The following AMER3 variants were observed in gnomAD, a reference collection of about 807,000 sequenced individuals.
AMER3 encodes APC membrane recruitment protein 3.
For synonymous variants in AMER3, 541 were observed against 485.5 expected (o/e 1.11, Z -1.50); for missense variants, 1,201 against 1,139.4 (o/e 1.05, Z -0.78).
In AMER3 at chr2:130,764,102, T is replaced by A. The variant is rs781509469; in HGVS notation, c.2030T>A (p.Val677Glu). ...GCAGAGCCCATGCTGGCAGGCTGTG[T>A]GGCCCGTGTGGCAGCCCTGAAGATC... ...LDAEPMLAGC[V>E]ARVAALKISS... Residue 677 changes from valine to glutamate, a missense_variant, in exon 2 of 2, where the codon GTG (valine) becomes GAG (glutamate). Transcript: ENST00000321420. 3.1e-6 allele frequency: 5 copies of A among 1,611,704 alleles called. No individual in the cohort carries two copies. Among genetic ancestry groups the A allele is most frequent in the Non-Finnish European group, 4.2e-6 (5 of 1,179,274 alleles).
In AMER3 at chr2:130,762,570, T is replaced by G; in HGVS notation, c.498T>G (p.Ile166Met). 1.2e-6 allele frequency: 2 copies of G among 1,613,346 alleles called. No homozygotes were observed. Among genetic ancestry groups the G allele is most frequent in the Non-Finnish European group, 1.7e-6 (2 of 1,179,982 alleles). ...AGTGCTTTCGGAACCTATTCCACAT[T>G]CGGAGAAACAAGACTGAGGACTTGG... ...PKKCFRNLFH[I>M]RRNKTEDLAS... Residue 166 changes from isoleucine (I) to methionine (M), a missense_variant, in exon 2 of 2, where the codon ATT becomes ATG. Coordinates refer to ENST00000321420, the MANE Select transcript of AMER3 (RefSeq NM_152698.3).
In AMER3 at chr2:130,764,358, A is replaced by G. The variant is rs749568100; in HGVS notation, c.2286A>G (p.Leu762=). ...GGCTCAGGGTGGAGCCCACCGGGCT[A>G]GGTGTCCAGGCCTGGGCCTCTGTGG... is the stretch of plus-strand genomic sequence containing the variant. ...LSWLRVEPTG[L]GVQAWASVED... The change falls in exon 2 of 2, where the codon CTA becomes CTG. Residue 762 remains leucine (L), a synonymous_variant. Transcript: ENST00000321420. 59 of 1,611,432 alleles carry G rather than the reference A, an allele frequency of 3.7e-5. No individual in the cohort carries two copies. The highest frequency in any genetic ancestry group is 4.9e-5 in the Non-Finnish European group (58 of 1,178,574).
In AMER3 at chr2:130,763,106, C is replaced by G; in HGVS notation, c.1034C>G (p.Ala345Gly). Residue 345 changes from alanine (A) to glycine (G), a missense_variant, in exon 2 of 2, where the codon GCT (alanine) becomes GGT (glycine). Ala to Gly is a moderately conservative substitution (Grantham distance 60). Transcript: ENST00000321420. ...AGGGACCAATCCCGGCTGGACACAG[C>G]TGGGCTCGCTGAGCTGCCCCTCTGC... ...TDRDQSRLDTAGLAELPLCPC... is the reference protein window; with the variant it reads ...TDRDQSRLDTGGLAELPLCPC... 1 of 1,613,170 alleles carries G rather than the reference C, an allele frequency of 6.2e-7. No homozygotes were observed. The highest frequency in any genetic ancestry group is 8.5e-7 in the Non-Finnish European group (1 of 1,179,912).
At chr2:130,761,931 G>A in intron 1 of AMER3, 123 bp from the exon 2 acceptor site, 1 of 965,104 alleles carries the variant, frequency 1.0e-6, no homozygotes, top group Non-Finnish European at 1.5e-6. Flanking sequence ...CCACCTGCAA[G>A]GAGGATCTCC....
rs1252818311 is a variant in AMER3 at position 130,758,047 on chromosome 2, T to C, written c.-20+2373T>C. ...TACTCAGGAGGCTGAGGCAGGAGAA[T>C]GGTGTGAACCCGCGAGGTGGAGCTT... On this transcript the variant is annotated intron_variant, in intron 1 of 1. Coordinates refer to ENST00000321420, the MANE Select transcript of AMER3 (RefSeq NM_152698.3). Among the ~76,000 whole-genome samples the C allele has an allele frequency of 2.0e-5, 3 of 152,090 alleles. No individual in the cohort carries two copies. In the East Asian group the frequency reaches 5.8e-4, roughly 29 times the overall value.
At position 130,762,992 on chromosome 2, in the gene AMER3, C is replaced by T. The variant is rs1678844720; in HGVS notation, c.920C>T (p.Thr307Ile). 1.2e-6 allele frequency: 2 copies of T among 1,613,314 alleles called. No individual in the cohort carries two copies. Among genetic ancestry groups the T allele is most frequent in the African/African-American group, 1.3e-5 (1 of 75,022 alleles). Residue 307 changes from threonine to isoleucine, a missense_variant, in exon 2 of 2, where the codon ACC (threonine) becomes ATC (isoleucine). By Grantham distance (89) the Thr-to-Ile change is moderately conservative. Coordinates refer to ENST00000321420, the MANE Select transcript of AMER3 (RefSeq NM_152698.3). Reference sequence around the variant, plus strand: ...GCCCAGAATGAAGCCTCTGACTTCACCAGGTTCTGGGACAGTGTGAATCGC... The same window carrying T: ...GCCCAGAATGAAGCCTCTGACTTCATCAGGTTCTGGGACAGTGTGAATCGC... ...SPAQNEASDF[T>I]RFWDSVNRSV...
Position 130,761,930 on chromosome 2 carries a change from A to G in AMER3, c.-19-124A>G, listed in dbSNP as rs528279042. The G allele has an allele frequency of 5.2e-6, 5 of 953,128 alleles. No homozygotes were observed. The East Asian group carries it at 1.1e-4, about 20-fold the overall frequency. The allele number at this position is 953,128 out of a possible 1,614,324, so 59.0% of individuals were successfully genotyped here. A position where few individuals can be genotyped will look rare whatever the true frequency, so the allele number is the denominator to read the frequency against. On this transcript the variant is annotated intron_variant, in intron 1 of 1. Transcript: ENST00000321420. Reference sequence around the variant, plus strand: ...CTCCCATCTTTCTCCCCCACCTGCAAGGAGGATCTCCTGGGACAGAGGCCC... The same window carrying G: ...CTCCCATCTTTCTCCCCCACCTGCAGGGAGGATCTCCTGGGACAGAGGCCC...
In AMER3 at chr2:130,763,351, C is replaced by G. The variant is rs1362364513; in HGVS notation, c.1279C>G (p.His427Asp). ...YSGDALYELF[H>D]DPSEGPLGPS... is the part of the protein sequence containing the mutation. Reference sequence around the variant, plus strand: ...TGGGGACGCCCTCTACGAGCTCTTCCACGACCCCAGCGAGGGTCCTCTTGG... The same window carrying G: ...TGGGGACGCCCTCTACGAGCTCTTCGACGACCCCAGCGAGGGTCCTCTTGG... Residue 427 changes from histidine (H) to aspartate (D), a missense_variant, in exon 2 of 2, where the codon CAC (histidine) becomes GAC (aspartate). His to Asp is a moderately conservative substitution (Grantham distance 81). Transcript: ENST00000321420. 1 of 1,613,260 alleles carries G rather than the reference C, an allele frequency of 6.2e-7. No homozygotes were observed. Among genetic ancestry groups the G allele is most frequent in the Admixed American group, 1.7e-5 (1 of 60,012 alleles).
rs1444202073 is a variant in AMER3, at chr2:130,762,149, C to A, written c.77C>A (p.Ala26Asp). Residue 26 changes from alanine to aspartate, a missense_variant, in exon 2 of 2, where the codon GCC becomes GAC. Coordinates refer to ENST00000321420, the MANE Select transcript of AMER3 (RefSeq NM_152698.3). Reference sequence around the variant, plus strand: ...CACGAGAAACCCCCAGACCCAGCAGCCGTGGCTGCAGCCAGGGAGGGGACA... The same window carrying A: ...CACGAGAAACCCCCAGACCCAGCAGACGTGGCTGCAGCCAGGGAGGGGACA... Reference protein sequence around the residue: ...VSHEKPPDPAAVAAAREGTGP... With the variant: ...VSHEKPPDPADVAAAREGTGP... The A allele has an allele frequency of 6.2e-7, 1 of 1,608,800 alleles. No individual in the cohort carries two copies. The highest frequency in any genetic ancestry group is 8.5e-7 in the Non-Finnish European group (1 of 1,177,940).
chr2:130,759,933 G>A (rs1678727148), intron 1 of AMER3, among the ~76,000 whole-genome samples: 1 of 152,218 alleles, frequency 6.6e-6, no homozygotes, highest in African/African-American at 2.4e-5. Context: ...CTCCAGCCAG[G>A]GTCATCTGAG....
At chr2:130,756,605 C>G (rs551389197) in intron 1 of AMER3, among the ~76,000 whole-genome samples, 1 of 152,236 alleles carries the variant, frequency 6.6e-6, no homozygotes, top group African/African-American at 2.4e-5. Flanking sequence ...AAACCCTCCG[C>G]CGGCGGATGC....
intron 1 of AMER3, among the ~76,000 whole-genome samples, chr2:130,760,228 A>G (rs566007060): frequency 6.6e-6 from 1 of 152,070 alleles, no homozygotes; most frequent in Non-Finnish European, 1.5e-5. Context: ...TCATCCTCCA[A>G]CCAAAAGTCT....
chr2:130,758,490 A>G (rs1196984307), intron 1 of AMER3, among the ~76,000 whole-genome samples: 1 of 152,140 alleles, frequency 6.6e-6, no homozygotes, highest in Non-Finnish European at 1.5e-5. Flanking sequence ...ATCCACATAA[A>G]CTGTATCACA....
At chr2:130,760,557 C>T (rs1678745141) in intron 1 of AMER3, among the ~76,000 whole-genome samples, 1 of 152,158 alleles carries the variant, frequency 6.6e-6, no homozygotes, top group African/African-American at 2.4e-5. Flanking sequence ...AGGGTTGCCT[C>T]CGTGTAGTCC....
chr2:130,758,078 G>T (rs1429588523), intron 1 of AMER3, among the ~76,000 whole-genome samples: 1 of 152,088 alleles, frequency 6.6e-6, no homozygotes, highest in Admixed American at 6.5e-5. Context: ...AGCTTGCAGT[G>T]AGCCAAGATC....
At position 130,764,271 on chromosome 2, in the gene AMER3, C is replaced by G. The variant is rs1409245612; in HGVS notation, c.2199C>G (p.Gly733=). ...SSSPSMTTIH[G]LPYSASTQDQ... is the part of the protein sequence containing the mutation. Reference sequence around the variant, plus strand: ...CCCCCAGCATGACCACCATCCATGGCCTACCCTACTCAGCCAGCACACAGG... The same window carrying G: ...CCCCCAGCATGACCACCATCCATGGGCTACCCTACTCAGCCAGCACACAGG... Residue 733 remains glycine (G), a synonymous_variant, in exon 2 of 2, where the codon GGC becomes GGG. Coordinates refer to ENST00000321420, the MANE Select transcript of AMER3 (RefSeq NM_152698.3). The G allele has an allele frequency of 1.2e-6, 2 of 1,609,632 alleles. No homozygotes were observed. Among genetic ancestry groups the G allele is most frequent in the South Asian group, 2.2e-5 (2 of 90,434 alleles).
Position 130,763,193 on chromosome 2 carries a change from GCGAGCAGCC to G in AMER3, c.1125_1133del (p.Gln376_Glu378del). 6.2e-7 allele frequency: 1 copy of G among 1,613,772 alleles called. No individual in the cohort carries two copies. The highest frequency in any genetic ancestry group is 1.1e-5 in the South Asian group (1 of 91,086). ...TCCATCGACACAGGCACCCCCAAGA[GCGAGCAGCC>G]CGAATCCGTGTCCACAAGTGACGAG... On this transcript the variant is annotated inframe_deletion, in exon 2 of 2. Transcript: ENST00000321420.
In AMER3 at chr2:130,762,730, A is replaced by G; in HGVS notation, c.658A>G (p.Ser220Gly). 1 of 1,611,982 alleles carries G rather than the reference A, an allele frequency of 6.2e-7. No homozygotes were observed. The highest frequency in any genetic ancestry group is 8.5e-7 in the Non-Finnish European group (1 of 1,179,428). The part of the protein sequence containing the change: ...LDGLCQDLLD[S>G]ELLADASFGL... ...CGGCCTGTGCCAGGACCTGTTGGAC[A>G]GCGAGCTCCTGGCCGATGCATCCTT... is the stretch of plus-strand genomic sequence containing the variant. The change falls in exon 2 of 2, where the codon AGC becomes GGC. Residue 220 changes from serine to glycine, a missense_variant. Ser to Gly is a moderately conservative substitution (Grantham distance 56). Transcript: ENST00000321420.
Position 130,763,244 on chromosome 2 carries a change from T to C in AMER3, c.1172T>C (p.Phe391Ser), listed in dbSNP as rs1224242506. ...STSDEGYYDS[F>S]SPGLEEDKKE... ...AGTGACGAGGGCTACTATGATTCCT[T>C]CTCGCCAGGACTTGAGGAGGACAAG... The change falls in exon 2 of 2, where the codon TTC becomes TCC. Residue 391 changes from phenylalanine to serine, a missense_variant. Phe to Ser is a radical substitution (Grantham distance 155). Transcript: ENST00000321420. 6.2e-7 allele frequency: 1 copy of C among 1,613,644 alleles called. No individual in the cohort carries two copies. Among genetic ancestry groups the C allele is most frequent in the Admixed American group, 1.7e-5 (1 of 59,992 alleles).
Sources: gnomAD v4.1 joint callset for allele counts (sites outside exome capture counted in the v4.1 genomes callset) on GRCh38, gnomAD v4.1.1 for gene constraint, MANE v1.5 for transcripts, NCBI Gene and HGNC (gene_info 2026-07-23, HGNC 2026-07-21) for gene names.